BCL2L13: variants seen among roughly 807,000 people sequenced by gnomAD.
BCL2L13 encodes the protein bcl-2-like protein 13.
In BCL2L13, 13 loss-of-function variants were observed where a neutral mutation model predicts 25.8. The ratio of observed to expected loss-of-function variants is 0.50; its 90% CI spans 0.33 to 0.80. BCL2L13 has a LOEUF of 0.80. Among genes scored for constraint, BCL2L13 ranks in the 30% least tolerant of loss-of-function variants. BCL2L13 has a pLI of 0.02. For synonymous variants in BCL2L13, 244 were observed against 230.3 expected (o/e 1.06, Z -0.54); for missense variants, 504 against 574.9 (o/e 0.88, Z 1.26).
In BCL2L13 at chr22:17,646,955, A is replaced by ATATTTT. The variant is rs768488873; in HGVS notation, c.-51+8070_-51+8071insATTTTT. On this transcript the variant is annotated intron_variant, in intron 1 of 6. Transcript: ENST00000317582. ...TACATATATATATATATATATATAT[A>ATATTTT]TTTTTTTTTTTTTTTTTTTTTTTTC... 4.9e-3 allele frequency among the ~76,000 whole-genome samples: 109 copies of ATATTTT among 22,192 alleles called. 1 individual carries two copies. The highest frequency in any genetic ancestry group is 0.016 in the East Asian group (3 of 182). The allele number at this position is 22,192 out of a possible 152,430, so 14.6% of individuals were successfully genotyped here.
At position 17,726,790 on chromosome 22, in the gene BCL2L13, A is replaced by G. The variant is rs766173430; in HGVS notation, c.714A>G (p.Pro238=). 1 of 1,614,232 alleles carries G rather than the reference A, an allele frequency of 6.2e-7. No homozygotes were observed. Among genetic ancestry groups the G allele is most frequent in the Non-Finnish European group, 8.5e-7 (1 of 1,180,050 alleles). ...ACAACTCTGGACAAGTCAGTCCCCC[A>G]GAGTCTCCAACTGTGACCACTTCCT... ...PSDNSGQVSP[P]ESPTVTTSWQ... Residue 238 remains proline (P), a synonymous_variant, in exon 7 of 7, where the codon CCA becomes CCG. Transcript: ENST00000317582.
At chr22:17,637,844 TTGA>T (rs2058139399), upstream of BCL2L13, among the ~76,000 whole-genome samples, 1 of 152,196 alleles carries the variant, frequency 6.6e-6, no homozygotes, top group Non-Finnish European at 1.5e-5. Context: ...AATAGCCTTG[TTGA>T]GATATAGATC....
chr22:17,678,082 G>T (rs1207910940), intron 2 of BCL2L13, among the ~76,000 whole-genome samples: 1 of 152,104 alleles, frequency 6.6e-6, no homozygotes, highest in Non-Finnish European at 1.5e-5. Flanking sequence ...AAGTGCAGTG[G>T]TGCAGTCATG....
intron 1 of BCL2L13, among the ~76,000 whole-genome samples, chr22:17,630,463 A>G (rs149352662): frequency 0.011 from 1,702 of 151,696 alleles, 10 homozygotes; most frequent in Non-Finnish European, 0.017. Context: ...TATTTTTAGT[A>G]GAGATGAGGT....
At chr22:17,705,331 T>G (rs2060560344) in intron 6 of BCL2L13, among the ~76,000 whole-genome samples, 1 of 150,496 alleles carries the variant, frequency 6.6e-6, no homozygotes, top group African/African-American at 2.4e-5. Context: ...GTAGTCTCCC[T>G]GTGTCGCCCA....
intron 2 of BCL2L13, among the ~76,000 whole-genome samples, chr22:17,661,644 A>G (rs1280730430): frequency 6.9e-6 from 1 of 145,880 alleles, no homozygotes; most frequent in African/African-American, 2.4e-5. Context: ...ACGTAAATAA[A>G]TAGAAATCCA....
At chr22:17,723,598 T>A (rs892132088) in intron 6 of BCL2L13, among the ~76,000 whole-genome samples, 30 of 152,328 alleles carry the variant, frequency 2.0e-4, no homozygotes, top group Middle Eastern at 3.4e-3. Context: ...CATAACTTAC[T>A]GATTACTTCC....
chr22:17,703,504 TTTTAAG>T (rs1241762519), intron 6 of BCL2L13: 2 of 152,206 alleles, frequency 1.3e-5, no homozygotes, highest in African/African-American at 2.4e-5. Context: ...TAGAAATGGT[TTTTAAG>T]TTTATTTGTT....
upstream of BCL2L13, among the ~76,000 whole-genome samples, chr22:17,634,429 C>T (rs111938687): frequency 3.9e-5 from 6 of 152,336 alleles, no homozygotes; most frequent in African/African-American, 1.2e-4. Context: ...TTATGATCCA[C>T]CTGCCTCAGG....
intron 2 of BCL2L13, among the ~76,000 whole-genome samples, chr22:17,681,041 C>T (rs994880650): frequency 4.6e-5 from 7 of 152,018 alleles, no homozygotes; most frequent in African/African-American, 1.5e-4. Flanking sequence ...CCATGCCCCG[C>T]GATTACTCGT....
At chr22:17,697,996 A>C (rs2060315107) in intron 5 of BCL2L13, among the ~76,000 whole-genome samples, 1 of 152,010 alleles carries the variant, frequency 6.6e-6, no homozygotes, top group Non-Finnish European at 1.5e-5. Context: ...TTGTATTCTT[A>C]GTAGAGATGG....
chr22:17,699,142 C>CAT (rs1282062484), intron 5 of BCL2L13, among the ~76,000 whole-genome samples: 1 of 152,156 alleles, frequency 6.6e-6, no homozygotes, highest in Non-Finnish European at 1.5e-5. Flanking sequence ...CACTGGGTGA[C>CAT]ATATAATATC....
chr22:17,727,383 C>A lies in BCL2L13; in HGVS notation c.1307C>A (p.Pro436Gln), dbSNP rs1048649467. Residue 436 changes from proline (P) to glutamine (Q), a missense_variant, in exon 7 of 7, where the codon CCG becomes CAG. By Grantham distance (76) the Pro-to-Gln change is moderately conservative. Transcript: ENST00000317582. ...SPASEKKPVPPSEGKSRLSPA... is the reference protein window; with the variant it reads ...SPASEKKPVPQSEGKSRLSPA... ...GCCAGCGAGAAGAAGCCCGTGCCGC[C>A]GTCTGAGGGCAAGTCTAGACTGTCC... 6.2e-6 allele frequency: 10 copies of A among 1,614,182 alleles called. No individual in the cohort carries two copies. The highest frequency in any genetic ancestry group is 4.5e-5 in the East Asian group (2 of 44,882).
intron 1 of BCL2L13, among the ~76,000 whole-genome samples, chr22:17,633,437 T>C (rs1366737382): frequency 6.6e-6 from 1 of 152,218 alleles, no homozygotes; most frequent in African/African-American, 2.4e-5. Flanking sequence ...TTAGGCCTTG[T>C]GGAGACACTT....
At chr22:17,653,692 CAG>C (rs1568931643) in intron 1 of BCL2L13, among the ~76,000 whole-genome samples, 3 of 151,764 alleles carry the variant, frequency 2.0e-5, no homozygotes. Flanking sequence ...TTTGTAGAGA[CAG>C]GGTCTCACTG....
intron 2 of BCL2L13, among the ~76,000 whole-genome samples, chr22:17,679,388 G>C (rs2059669311): frequency 6.8e-6 from 1 of 146,124 alleles, no homozygotes; most frequent in Non-Finnish European, 1.5e-5. Context: ...TCCCACCTCA[G>C]CCTACCGAGT....
upstream of BCL2L13, chr22:17,638,034 GTTCCAA>G (rs1426346267): frequency 1.3e-5 from 2 of 152,090 alleles, no homozygotes; most frequent in Non-Finnish European, 2.9e-5. Flanking sequence ...TGCCCTCCTT[GTTCCAA>G]TTCAGTACAC....
intron 6 of BCL2L13, among the ~76,000 whole-genome samples, chr22:17,720,590 C>T (rs932847498): frequency 4.6e-5 from 7 of 151,694 alleles, no homozygotes; most frequent in African/African-American, 1.7e-4. Flanking sequence ...GTCTCGAACT[C>T]CTGACCTCAG....
intron 3 of BCL2L13, among the ~76,000 whole-genome samples, chr22:17,684,404 C>T (rs190420520): frequency 1.6e-4 from 24 of 152,314 alleles, no homozygotes; most frequent in African/African-American, 5.5e-4. Flanking sequence ...ACTTTCGGTT[C>T]TCCTTAAAGA....
Sources: allele counts gnomAD v4.1 joint callset (sites outside exome capture counted in the v4.1 genomes callset), GRCh38; gene constraint gnomAD v4.1.1; transcripts MANE v1.5; gene names NCBI Gene and HGNC (gene_info 2026-07-23, HGNC 2026-07-21).